The following NCOR2 variants were observed in gnomAD, a reference collection of about 807,000 sequenced individuals.
NCOR2 encodes the protein CTG repeat protein 26.
Under a neutral mutation model 262.9 loss-of-function variants are expected in NCOR2, and 81 were observed. The ratio of observed to expected loss-of-function variants is 0.31; its 90% confidence interval spans 0.26 to 0.37. NCOR2 has a LOEUF of 0.37. NCOR2 is among the 10% of genes least tolerant of loss of function. The probability of loss-of-function intolerance (pLI) is 1.00; values close to 1 mark genes in which losing one functional copy is unlikely to be tolerated. For missense variants in NCOR2, 3,385 were observed against 3,621.4 expected (o/e 0.93, Z 1.68); for synonymous variants, 1,659 against 1,559.3 (o/e 1.06, Z -1.51).
In NCOR2 at chr12:124,483,131, T is replaced by C. The variant is rs1490712046; in HGVS notation, c.411+465A>G. Reference sequence around the variant, plus strand: ...TGCTGTGCAGGGCTCGAGGCAGGGGTCACTGAGCCCCCTGTTCCAAGCAAG... The same window carrying C: ...TGCTGTGCAGGGCTCGAGGCAGGGGCCACTGAGCCCCCTGTTCCAAGCAAG... On this transcript the variant is annotated intron_variant, in intron 3 of 46. Coordinates refer to ENST00000405201, the Ensembl canonical transcript of NCOR2. This position sits in a 1 kb window ranked among gnomAD's most constrained non-coding sequence, Gnocchi z 6.3. Among the ~76,000 whole-genome samples the C allele has an allele frequency of 2.6e-5, 4 of 151,298 alleles. No homozygotes were observed. Among genetic ancestry groups the C allele is most frequent in the Non-Finnish European group, 4.4e-5 (3 of 67,840 alleles).
chr12:124,457,265 C>T lies in NCOR2; in HGVS notation c.706-103G>A. The T allele has an allele frequency of 7.8e-7, 1 of 1,277,592 alleles. No individual in the cohort carries two copies. The highest frequency in any genetic ancestry group is 1.0e-6 in the Non-Finnish European group (1 of 953,192). The allele number at this position is 1,277,592 out of a possible 1,614,324, so 79.1% of individuals were successfully genotyped here. A position where few individuals can be genotyped will look rare whatever the true frequency, so the allele number is the denominator to read the frequency against. ...CAGCGGGCACCTGCCCAGCCCAGTC[C>T]AGCATGCTGATCCTCAGCACGGGGG... On this transcript the variant is annotated intron_variant, in intron 5 of 46. Coordinates refer to ENST00000405201, the Ensembl canonical transcript of NCOR2. This position sits in a 1 kb window ranked among gnomAD's most constrained non-coding sequence, Gnocchi z 4.0.
rs544165647 is a variant in NCOR2, at chr12:124,348,127, C to T, written c.3985+47G>A. On this transcript the variant is annotated intron_variant, in intron 29 of 46. Transcript: ENST00000405201. ...AAAACGGGGTCAGCCATCCCCCCAC[C>T]GCCCACCAGGGGGCACCGAGAGATG... 25 of 1,602,752 alleles carry T rather than the reference C, an allele frequency of 1.6e-5. No homozygotes were observed. The African/African-American group carries it at 2.0e-4, about 13-fold the overall frequency.
At chr12:124,478,792 AAGAC>A (rs1308816554) in intron 3 of NCOR2, among the ~76,000 whole-genome samples, 5 of 152,130 alleles carry the variant, frequency 3.3e-5, no homozygotes, top group African/African-American at 7.2e-5. Flanking sequence ...CAGAGACAGA[AAGAC>A]AGAGACGTGG....
rs567562070 is a variant in NCOR2, at chr12:124,401,166, A to G, written c.1641-493T>C. Among the ~76,000 whole-genome samples the G allele has an allele frequency of 2.0e-4, 30 of 151,794 alleles. 1 individual carries two copies. The South Asian group carries it at 6.1e-3, about 31-fold the overall frequency. On this transcript the variant is annotated intron_variant, in intron 14 of 46. Transcript: ENST00000405201. ...GTCGAGGCTGCAGTGAGCCATGATTATACCACTGCACTCCAGCCTGGGTGA... is the reference window on the plus strand; with the variant it reads ...GTCGAGGCTGCAGTGAGCCATGATTGTACCACTGCACTCCAGCCTGGGTGA...
chr12:124,412,285 TC>T (rs971610350), intron 13 of NCOR2, among the ~76,000 whole-genome samples: 3 of 152,166 alleles, frequency 2.0e-5, no homozygotes, highest in African/African-American at 7.2e-5. Flanking sequence ...GCACATGGTG[TC>T]GGGGTGACAG....
rs1182793110 is a variant in NCOR2 at position 124,544,795 on chromosome 12, GCCTGAGACCCAGATCAAAT to G, written c.-164-9203_-164-9185del. 3.3e-5 allele frequency among the ~76,000 whole-genome samples: 5 copies of G among 152,214 alleles called. No homozygotes were observed. In the East Asian group the frequency reaches 9.7e-4, roughly 30 times the overall value. ...AGAGTCCCCGGTGGGCCCCAAATGG[GCCTGAGACCCAGATCAAAT>G]CCCTGAGCCATCTCATCTTGGCAGG... On this transcript the variant is annotated intron_variant, in intron 1 of 32. Transcript: ENST00000458234.
At chr12:124,492,081 C>T (rs372206442) in intron 1 of NCOR2, among the ~76,000 whole-genome samples, 160 of 152,304 alleles carry the variant, frequency 1.1e-3, no homozygotes, top group African/African-American at 3.1e-3. Context: ...ACCAGCAGCC[C>T]GCAGATGACG....
intron 41 of NCOR2, among the ~76,000 whole-genome samples, chr12:124,333,509 G>A (rs986097573): frequency 6.6e-6 from 1 of 151,516 alleles, no homozygotes; most frequent in African/African-American, 2.4e-5. Flanking sequence ...TTCATGAATT[G>A]TACAAACAGA....
At chr12:124,524,738 G>A (rs774440389) in intron 1 of NCOR2, among the ~76,000 whole-genome samples, 1 of 152,170 alleles carries the variant, frequency 6.6e-6, no homozygotes, top group Non-Finnish European at 1.5e-5. Flanking sequence ...GTCTCCCCTT[G>A]AATGACTCGT....
At chr12:124,474,000 CATGA>C (rs2046962624) in intron 3 of NCOR2, among the ~76,000 whole-genome samples, 1 of 152,206 alleles carries the variant, frequency 6.6e-6, no homozygotes, top group Non-Finnish European at 1.5e-5. Flanking sequence ...GCTCTTGCTA[CATGA>C]ATGGTTTCCC....
intron 5 of NCOR2, among the ~76,000 whole-genome samples, chr12:124,460,468 G>T (rs889405845): frequency 3.3e-5 from 5 of 152,202 alleles, no homozygotes; most frequent in Admixed American, 2.6e-4. Flanking sequence ...CGTCCAGCAG[G>T]GCCCAGCACA....
rs150906366 is a variant in NCOR2 at position 124,519,131 on chromosome 12, CAG to C, written c.-118+16432_-118+16433del. Among the ~76,000 whole-genome samples, 19 of 147,704 alleles carry C rather than the reference CAG, an allele frequency of 1.3e-4. No homozygotes were observed. The East Asian group carries it at 4.9e-3, about 38-fold the overall frequency. The stretch of plus-strand genomic sequence containing the variant: ...ACACACACACACACACACACACACA[CAG>C]GCCAACAATGATGGCTTGGTAGTCA... On this transcript the variant is annotated intron_variant, in intron 1 of 46. Transcript: ENST00000404621.
chr12:124,515,976 G>A (rs1023534234), intron 1 of NCOR2, among the ~76,000 whole-genome samples: 2 of 152,174 alleles, frequency 1.3e-5, no homozygotes, highest in African/African-American at 4.8e-5. Context: ...CTTTGGCAAA[G>A]GTCAGGGGCA....
intron 5 of NCOR2, among the ~76,000 whole-genome samples, chr12:124,462,738 C>T (rs1221716133): frequency 6.6e-6 from 1 of 152,188 alleles, no homozygotes; most frequent in African/African-American, 2.4e-5. Context: ...ATGAGGAGTG[C>T]CAAAACCCCC....
At chr12:124,426,868 A>T (rs1036006560) in intron 10 of NCOR2, 68 bp from the exon 13 acceptor site, 2 of 1,449,882 alleles carry the variant, frequency 1.4e-6, no homozygotes, top group Non-Finnish European at 1.9e-6. Context: ...CAGGGGACCC[A>T]GGGAAGACAC....
intron 41 of NCOR2, 195 bp downstream of exon 43, chr12:124,334,229 G>A (rs1380419766): frequency 1.4e-5 from 7 of 515,554 alleles, no homozygotes; most frequent in African/African-American, 1.0e-4. Flanking sequence ...AGCACAGCAT[G>A]TACTTTCATC....
intron 1 of NCOR2, among the ~76,000 whole-genome samples, chr12:124,544,173 A>T (rs1478285338): frequency 1.3e-5 from 2 of 152,174 alleles, no homozygotes; most frequent in African/African-American, 2.4e-5. Context: ...AGCTTCGGGA[A>T]ACCTCTCTAT....
intron 13 of NCOR2, among the ~76,000 whole-genome samples, chr12:124,413,730 G>C (rs766688625): frequency 4.2e-4 from 64 of 152,252 alleles, no homozygotes; most frequent in Middle Eastern, 3.4e-3. Flanking sequence ...CGCAGAGCGG[G>C]AGACAGAGAT....
At chr12:124,489,946 T>TG (rs1013178836) in intron 1 of NCOR2, among the ~76,000 whole-genome samples, 4 of 152,110 alleles carry the variant, frequency 2.6e-5, no homozygotes, top group African/African-American at 9.7e-5. Context: ...AGGGAATGCC[T>TG]GGGATTGCAC....
Sources: allele counts gnomAD v4.1 joint callset (sites outside exome capture counted in the v4.1 genomes callset), GRCh38; gene constraint gnomAD v4.1.1; non-coding constraint Gnocchi (gnomAD v3.1); transcripts MANE v1.5; gene names NCBI Gene and HGNC (gene_info 2026-07-23, HGNC 2026-07-21).